PIP4K2A: variants seen among roughly 807,000 people sequenced by gnomAD.
The protein encoded by PIP4K2A is phosphatidylinositol 5-phosphate 4-kinase type-2 alpha.
In PIP4K2A, 14 loss-of-function variants were observed where a neutral mutation model predicts 42.9. The observed-to-expected ratio is 0.33, with a 90% CI of 0.22 to 0.51. The LOEUF is 0.51. Ranked by LOEUF, PIP4K2A falls within the 20% of genes least tolerant of loss-of-function variation. The probability of loss-of-function intolerance (pLI) is 0.97; values close to 1 mark genes in which losing one functional copy is unlikely to be tolerated. For missense variants in PIP4K2A, 434 were observed against 519.8 expected (o/e 0.83, Z 1.61); for synonymous variants, 192 against 192.2 (o/e 1.00, Z 0.01).
At chr10:22,695,116 G>A (rs905984072) in intron 1 of PIP4K2A, among the ~76,000 whole-genome samples, 2 of 152,132 alleles carry the variant, frequency 1.3e-5, no homozygotes, top group African/African-American at 4.8e-5. Context: ...TTTAAAAACA[G>A]TGATACAAAC....
chr10:22,645,006 CT>C (rs916467106), intron 1 of PIP4K2A, among the ~76,000 whole-genome samples: 4 of 152,222 alleles, frequency 2.6e-5, no homozygotes, highest in African/African-American at 9.6e-5. Context: ...TGCCTACCCC[CT>C]TCCCCCTATG....
At chr10:22,554,613 G>A (rs968543360) in intron 6 of PIP4K2A, among the ~76,000 whole-genome samples, 4 of 152,228 alleles carry the variant, frequency 2.6e-5, no homozygotes, top group Admixed American at 6.5e-5. Flanking sequence ...TGGACTCTCC[G>A]AGGCCGGCTT....
rs373590709 is a variant in PIP4K2A at position 22,546,979 on chromosome 10, AC to A, written c.792+3679del. Among the ~76,000 whole-genome samples, 8 of 152,250 alleles carry A rather than the reference AC, an allele frequency of 5.3e-5. No individual in the cohort carries two copies. The East Asian group carries it at 1.5e-3, about 29-fold the overall frequency. On this transcript the variant is annotated intron_variant, in intron 7 of 9. Coordinates refer to ENST00000376573, the MANE Select transcript of PIP4K2A (RefSeq NM_005028.5). Reference sequence around the variant, plus strand: ...CTTCCTTTCCAGCTTCTCAGAAACCACCTGCTGGACCTCACATCTGCCTCTT... The same window carrying A: ...CTTCCTTTCCAGCTTCTCAGAAACCACTGCTGGACCTCACATCTGCCTCTT...
chr10:22,575,537 C>G (rs554298727), intron 4 of PIP4K2A, among the ~76,000 whole-genome samples: 1 of 152,324 alleles, frequency 6.6e-6, no homozygotes, highest in Admixed American at 6.5e-5. Flanking sequence ...TACAGCAAAT[C>G]ATTGACTAGT....
intron 7 of PIP4K2A, among the ~76,000 whole-genome samples, chr10:22,546,812 C>A (rs961500049): frequency 6.6e-6 from 1 of 152,178 alleles, no homozygotes; most frequent in Non-Finnish European, 1.5e-5. Context: ...AAAGAGAAGA[C>A]AGAAAGGGGG....
intron 1 of PIP4K2A, among the ~76,000 whole-genome samples, chr10:22,690,703 T>C (rs1188617327): frequency 1.3e-5 from 2 of 152,192 alleles, no homozygotes; most frequent in African/African-American, 4.8e-5. Flanking sequence ...AATAGCATGG[T>C]AAGAAATAAC....
chr10:22,613,382 G>C (rs1005757250), intron 1 of PIP4K2A, among the ~76,000 whole-genome samples: 1 of 152,134 alleles, frequency 6.6e-6, no homozygotes, highest in African/African-American at 2.4e-5. Flanking sequence ...AGCACTTCTC[G>C]AGAAAGTGGG....
At chr10:22,568,100 C>T (rs932383146) in intron 5 of PIP4K2A, among the ~76,000 whole-genome samples, 6 of 152,238 alleles carry the variant, frequency 3.9e-5, no homozygotes, top group South Asian at 2.1e-4. Context: ...GGCCACTGGC[C>T]GCTTCTCTAG....
intron 1 of PIP4K2A, among the ~76,000 whole-genome samples, chr10:22,623,467 G>A (rs893677402): frequency 2.6e-5 from 4 of 152,164 alleles, no homozygotes; most frequent in Admixed American, 2.6e-4. Context: ...AGACAGCAGA[G>A]CTTCTCTATG....
chr10:22,613,361 G>C (rs1240357749), intron 1 of PIP4K2A, among the ~76,000 whole-genome samples: 1 of 152,120 alleles, frequency 6.6e-6, no homozygotes, highest in African/African-American at 2.4e-5. Flanking sequence ...GACAGAGAAG[G>C]GACATTCCGT....
chr10:22,547,171 A>T (rs1836276594), intron 7 of PIP4K2A, among the ~76,000 whole-genome samples: 1 of 152,206 alleles, frequency 6.6e-6, no homozygotes, highest in Non-Finnish European at 1.5e-5. Flanking sequence ...GTGTTCTACC[A>T]CATCACCATC....
intron 1 of PIP4K2A, among the ~76,000 whole-genome samples, chr10:22,664,158 TATATATATAC>T (rs1564460182): frequency 4.0e-4 from 27 of 68,026 alleles, no homozygotes; most frequent in East Asian, 1.8e-3. Flanking sequence ...TATACACATA[TATATATATAC>T]ATATATATAT....
intron 6 of PIP4K2A, among the ~76,000 whole-genome samples, chr10:22,558,569 G>A (rs1211372765): frequency 6.6e-6 from 1 of 152,116 alleles, no homozygotes; most frequent in Non-Finnish European, 1.5e-5. Context: ...GAAAAAGGGT[G>A]GTTTTGCACA....
At chr10:22,589,192 A>C (rs1360856476) in intron 4 of PIP4K2A, among the ~76,000 whole-genome samples, 1 of 152,238 alleles carries the variant, frequency 6.6e-6, no homozygotes, top group Non-Finnish European at 1.5e-5. Flanking sequence ...ATGAGATATC[A>C]CTTCGCTTTG....
intron 1 of PIP4K2A, among the ~76,000 whole-genome samples, chr10:22,664,254 T>A: frequency 7.5e-6 from 1 of 133,622 alleles, no homozygotes; most frequent in African/African-American, 2.8e-5. Flanking sequence ...CACACACATA[T>A]ATATATACAC....
In PIP4K2A at chr10:22,658,648, A is replaced by G. The variant is rs535804668; in HGVS notation, c.145-48931T>C. ...TCTTTACCAAATCTCTATTTCATCA[A>G]TCCAGTGGGATCATATGGTTGCTGC... On this transcript the variant is annotated intron_variant, in intron 1 of 9. Transcript: ENST00000376573. 5.9e-5 allele frequency among the ~76,000 whole-genome samples: 9 copies of G among 152,332 alleles called. No homozygotes were observed. In the South Asian group the frequency reaches 1.4e-3, roughly 25 times the overall value.
At chr10:22,591,568 T>G in intron 4 of PIP4K2A, 61 bp downstream of exon 4, 18 of 1,295,938 alleles carry the variant, frequency 1.4e-5, no homozygotes, top group Non-Finnish European at 1.8e-5. Flanking sequence ...CTGGCCTTGG[T>G]GAGAAATCGC....
chr10:22,540,965 C>A (rs1836092574), intron 8 of PIP4K2A, among the ~76,000 whole-genome samples: 1 of 152,116 alleles, frequency 6.6e-6, no homozygotes, highest in Non-Finnish European at 1.5e-5. Flanking sequence ...CAGAACAAAA[C>A]AGAACTCAGA....
chr10:22,552,591 C>T (rs953619018), intron 6 of PIP4K2A, among the ~76,000 whole-genome samples: 1 of 151,746 alleles, frequency 6.6e-6, no homozygotes, highest in Admixed American at 6.6e-5. Flanking sequence ...GAAGTTTCAC[C>T]AAGAATGAAA....
Sources: allele counts gnomAD v4.1 joint callset (sites outside exome capture counted in the v4.1 genomes callset), GRCh38; gene constraint gnomAD v4.1.1; transcripts MANE v1.5; gene names NCBI Gene and HGNC (gene_info 2026-07-23, HGNC 2026-07-21).